Variants in CCDC66 observed in about 807,000 individuals in gnomAD.
The protein encoded by CCDC66 is coiled-coil domain containing 66, also known as coiled-coil domain-containing protein 66.
In CCDC66, 133 loss-of-function variants were observed where a neutral mutation model predicts 128.3. The observed-to-expected ratio is 1.04, with a 90% CI of 0.90 to 1.20. The LOEUF (loss-of-function observed/expected upper bound fraction) is 1.20. Ranked by LOEUF, CCDC66 falls within the 50% of genes most tolerant of loss-of-function variation. CCDC66 has a pLI of 0.00. For synonymous variants in CCDC66, 387 were observed against 357.0 expected (o/e 1.08, Z -0.95); for missense variants, 1,126 against 1,075.5 (o/e 1.05, Z -0.66).
At chr3:56,571,327 T>A in intron 7 of CCDC66, 25 bp downstream of exon 7, 3 of 1,422,006 alleles carry the variant, frequency 2.1e-6, no homozygotes, top group African/African-American at 2.9e-5. Context: ...TTGCAATTTT[T>A]AAAATACTAA....
intron 17 of CCDC66, chr3:56,621,062 G>C (rs2076473667): frequency 6.6e-6 from 1 of 152,144 alleles, no homozygotes; most frequent in South Asian, 2.1e-4. Flanking sequence ...CATTCGGGAG[G>C]TTGAGGCAGG....
At position 56,564,077 on chromosome 3, in the gene CCDC66, C is replaced by A. The variant is rs534153650; in HGVS notation, c.496C>A (p.Gln166Lys). ...ACAACAGATTTTGATGACTGTAAACCAAGGAAATAGATCTCTTTCCCTGAC... is the reference window on the plus strand; with the variant it reads ...ACAACAGATTTTGATGACTGTAAACAAAGGAAATAGATCTCTTTCCCTGAC... ...QLQQILMTVN[Q>K]GNRSLSLTEN... Residue 166 changes from glutamine (Q) to lysine (K), a missense_variant, in exon 4 of 18, where the codon CAA becomes AAA. Coordinates refer to ENST00000394672, the MANE Select transcript of CCDC66 (RefSeq NM_001141947.3). The A allele has an allele frequency of 4.3e-6, 7 of 1,612,726 alleles. No individual in the cohort carries two copies. In the South Asian group the frequency reaches 7.7e-5, roughly 18 times the overall value.
intron 3 of CCDC66, chr3:56,561,420 C>A: frequency 2.9e-6 from 1 of 349,882 alleles, no homozygotes; most frequent in South Asian, 2.4e-5. Flanking sequence ...CTTTTGATTA[C>A]TAGACTTTTA....
intron 7 of CCDC66, chr3:56,571,522 C>CAG (rs2066616283): frequency 2.9e-6 from 1 of 349,688 alleles, no homozygotes; most frequent in African/African-American, 2.2e-5. Flanking sequence ...GCTAGGACTA[C>CAG]AGGTACTCAC....
At chr3:56,589,081 A>G (rs2070365175) in intron 7 of CCDC66, among the ~76,000 whole-genome samples, 1 of 152,212 alleles carries the variant, frequency 6.6e-6, no homozygotes, top group African/African-American at 2.4e-5. Flanking sequence ...ATTTAAATTG[A>G]TAAGCCCCTC....
At chr3:56,562,444 A>G (rs1179508957) in intron 3 of CCDC66, among the ~76,000 whole-genome samples, 4 of 152,170 alleles carry the variant, frequency 2.6e-5, no homozygotes, top group African/African-American at 9.7e-5. Flanking sequence ...AAATGGGAAA[A>G]TACAGATAAT....
In CCDC66 at chr3:56,593,953, TTC is replaced by T; in HGVS notation, c.1331_1332del (p.Ser444TyrfsTer11). The T allele has an allele frequency of 6.2e-7, 1 of 1,614,182 alleles. No homozygotes were observed. The highest frequency in any genetic ancestry group is 8.5e-7 in the Non-Finnish European group (1 of 1,180,014). ...ANSKKTNFLR[S>X]MTALLDPAQI... is the part of the protein sequence containing the mutation. ...GTATGTATCTTGCCAGCTTTCTCCG[TTC>T]TATGACTGCTCTCTTGGACCCAGCT... On this transcript the variant is annotated frameshift_variant, in exon 10 of 18. Coordinates refer to ENST00000394672, the MANE Select transcript of CCDC66 (RefSeq NM_001141947.3). LOFTEE classifies it high-confidence loss of function.
intron 7 of CCDC66, among the ~76,000 whole-genome samples, chr3:56,584,544 CAG>C (rs1217627313): frequency 6.6e-5 from 10 of 150,406 alleles, no homozygotes; most frequent in African/African-American, 2.2e-4. Context: ...GGCAGCCGGG[CAG>C]AGACGCTCCT....
In CCDC66 at chr3:56,557,205, G is replaced by A. The variant is rs2064407277; in HGVS notation, c.-38G>A. 10 of 1,551,260 alleles carry A rather than the reference G, an allele frequency of 6.4e-6. No individual in the cohort carries two copies. The highest frequency in any genetic ancestry group is 1.2e-5 in the South Asian group (1 of 84,056). ...GCGGCGGCAACCGACGTACACAAGG[G>A]GCTTGAGCGTTCTGTGGAGAGAGTG... On this transcript the variant is annotated 5_prime_UTR_variant, in exon 1 of 18. Coordinates refer to ENST00000394672, the MANE Select transcript of CCDC66 (RefSeq NM_001141947.3).
chr3:56,575,931 C>G (rs1052888684), intron 7 of CCDC66, among the ~76,000 whole-genome samples: 1 of 151,730 alleles, frequency 6.6e-6, no homozygotes, highest in Non-Finnish European at 1.5e-5. Context: ...ATTAGTCTGT[C>G]TGTATGCTAC....
chr3:56,600,284 GATT>G (rs1318810812), intron 10 of CCDC66, among the ~76,000 whole-genome samples: 1 of 151,478 alleles, frequency 6.6e-6, no homozygotes, highest in African/African-American at 2.4e-5. Context: ...AAGTAGCTGG[GATT>G]ATAGGTGCCC....
intron 10 of CCDC66, among the ~76,000 whole-genome samples, chr3:56,611,505 A>G (rs889539081): frequency 4.0e-5 from 6 of 150,976 alleles, no homozygotes; most frequent in Non-Finnish European, 7.4e-5. Context: ...CAGCTGCGAA[A>G]GAAAACGGCT....
chr3:56,589,457 TAAGAAAGAAAAATAAATAC>T (rs2070450336), intron 7 of CCDC66, among the ~76,000 whole-genome samples: 2 of 152,004 alleles, frequency 1.3e-5, no homozygotes, highest in Non-Finnish European at 2.9e-5. Flanking sequence ...ACAGGAAATA[TAAGAAAGAAAAATAAATAC>T]AAGAAAGAAT....
Position 56,621,779 on chromosome 3 carries a change from T to C in CCDC66, c.*161T>C. ...GTAGTAAAATGCTGTACTTGTTCTA[T>C]ACAATAAAACAGATACTTCTTTTGT... On this transcript the variant is annotated 3_prime_UTR_variant, in exon 18 of 18. Coordinates refer to ENST00000394672, the MANE Select transcript of CCDC66 (RefSeq NM_001141947.3). 3.6e-6 allele frequency: 1 copy of C among 275,598 alleles called. No individual in the cohort carries two copies. The allele number at this position is 275,598 out of a possible 1,614,324, so 17.1% of individuals were successfully genotyped here.
chr3:56,601,338 G>A lies in CCDC66; in HGVS notation c.1404+7310G>A, dbSNP rs563108210. On this transcript the variant is annotated intron_variant, in intron 10 of 17. Coordinates refer to ENST00000394672, the MANE Select transcript of CCDC66 (RefSeq NM_001141947.3). Reference sequence around the variant, plus strand: ...TTCTGTTCTATTCATCTATATATCTGTTTTGGTACCAGTACCATGCTGCTT... The same window carrying A: ...TTCTGTTCTATTCATCTATATATCTATTTTGGTACCAGTACCATGCTGCTT... Among the ~76,000 whole-genome samples, 5 of 152,104 alleles carry A rather than the reference G, an allele frequency of 3.3e-5. No individual in the cohort carries two copies. The South Asian group carries it at 1.0e-3, about 32-fold the overall frequency.
intron 10 of CCDC66, among the ~76,000 whole-genome samples, chr3:56,603,382 T>G (rs1439979590): frequency 6.6e-6 from 1 of 152,042 alleles, no homozygotes; most frequent in Non-Finnish European, 1.5e-5. Context: ...GATGTTAGGG[T>G]GTCAATTTTA....
chr3:56,607,769 G>A (rs1033570766), intron 10 of CCDC66, among the ~76,000 whole-genome samples: 3 of 152,168 alleles, frequency 2.0e-5, no homozygotes, highest in African/African-American at 7.2e-5. Context: ...TATGTTGGCT[G>A]TGGGTTTGTC....
intron 7 of CCDC66, among the ~76,000 whole-genome samples, chr3:56,575,302 G>C (rs780117473): frequency 6.6e-6 from 1 of 151,770 alleles, no homozygotes; most frequent in Non-Finnish European, 1.5e-5. Flanking sequence ...GTTGTGAAAT[G>C]GTATCATTGT....
chr3:56,564,570 C>T (rs1347654281), intron 4 of CCDC66, among the ~76,000 whole-genome samples: 4 of 152,146 alleles, frequency 2.6e-5, no homozygotes, highest in Admixed American at 6.6e-5. Flanking sequence ...TCCTGTTCCT[C>T]ATTCCATGCT....
Sources: gnomAD v4.1 joint callset for allele counts (sites outside exome capture counted in the v4.1 genomes callset) on GRCh38, gnomAD v4.1.1 for gene constraint, MANE v1.5 for transcripts, NCBI Gene and HGNC (gene_info 2026-07-23, HGNC 2026-07-21) for gene names.